Variants in SUPT6H observed in about 807,000 individuals in gnomAD.
SUPT6H encodes the protein SPT6 homolog, histone chaperone and transcription elongation factor, also known as transcription elongation factor SPT6.
A neutral mutation model predicts 222.3 loss-of-function variants in SUPT6H; 11 were observed. That is an observed-to-expected ratio of 0.05 (90% CI 0.03 to 0.08). The LOEUF (loss-of-function observed/expected upper bound fraction) is 0.08, where lower values mean the gene tolerates loss of function less well. Among genes scored for constraint, SUPT6H ranks in the 10% least tolerant of loss-of-function variants. The probability of loss-of-function intolerance (pLI) is 1.00; values close to 1 mark genes in which losing one functional copy is unlikely to be tolerated. For missense variants in SUPT6H, 1,422 were observed against 2,216.0 expected, an observed-to-expected ratio of 0.64 and a Z score of 7.19; for synonymous variants, 762 against 801.2, an observed-to-expected ratio of 0.95 and a Z score of 0.83.
chr17:28,675,337 C>A (rs2030679117), intron 5 of SUPT6H, 64 bp from the exon 6 acceptor site: 3 of 1,587,246 alleles, frequency 1.9e-6, no homozygotes, highest in African/African-American at 2.7e-5. Flanking sequence ...TAGTAGGAAC[C>A]AAAGCAATTT....
At position 28,681,311 on chromosome 17, in the gene SUPT6H, C is replaced by A; in HGVS notation, c.1405C>A (p.Leu469Ile). ...GAAAGATGTCTACAACCATTTTCTT[C>A]TTTATTATGGCCGAGACATCCCTAA... ...ELKDVYNHFL[L>I]YYGRDIPKMQ... is the part of the protein sequence containing the mutation. Residue 469 changes from leucine (L) to isoleucine (I), a missense_variant, in exon 12 of 37, where the codon CTT becomes ATT. Leu to Ile is a conservative substitution (Grantham distance 5). This residue lies in a region of SUPT6H where 389 missense variants were observed against 544.6 expected (regional missense o/e 0.71). Transcript: ENST00000314616. 1 of 1,613,996 alleles carries A rather than the reference C, an allele frequency of 6.2e-7. No individual in the cohort carries two copies. The highest frequency in any genetic ancestry group is 8.5e-7 in the Non-Finnish European group (1 of 1,179,988).
In SUPT6H at chr17:28,695,541, C is replaced by T. The variant is rs1488118823; in HGVS notation, c.3964C>T (p.Arg1322Trp). Residue 1322 changes from arginine (R) to tryptophan (W), a missense_variant, in exon 29 of 37, where the codon CGG becomes TGG. By Grantham distance (101) the Arg-to-Trp change is moderately radical. This residue lies in a region of SUPT6H where 395 missense variants were observed against 580.6 expected (regional missense o/e 0.68). Transcript: ENST00000314616. Reference sequence around the variant, plus strand: ...GGAGGACATGAAGCGGAAGCAGCAGCGGACCAGTGAGTGTGCCTCCCACCA... The same window carrying T: ...GGAGGACATGAAGCGGAAGCAGCAGTGGACCAGTGAGTGTGCCTCCCACCA... ...QEEDMKRKQQ[R>W]TTYIKRVIAH... The T allele has an allele frequency of 5.6e-6, 9 of 1,613,164 alleles. No homozygotes were observed. The highest frequency in any genetic ancestry group is 2.2e-5 in the East Asian group (1 of 44,850).
intron 1 of SUPT6H, chr17:28,672,884 C>G (rs539178086): frequency 1.3e-5 from 2 of 152,694 alleles, no homozygotes; most frequent in African/African-American, 4.8e-5. Flanking sequence ...GGTGCGGTGG[C>G]TCACGCCTGT....
chr17:28,699,908 TC>T lies in SUPT6H; in HGVS notation c.4561+17del, dbSNP rs1276746929. On this transcript the variant is annotated intron_variant, in intron 33 of 36. Transcript: ENST00000314616. ...TCCTGTACCAGGTGAGTTCTGCTCT[TC>T]CTGACTTCAGGGACGTGGCTGGAGG... 1.1e-5 allele frequency: 18 copies of T among 1,609,396 alleles called. No homozygotes were observed. The highest frequency in any genetic ancestry group is 1.5e-5 in the Non-Finnish European group (18 of 1,175,874).
At chr17:28,690,278 G>A in intron 26 of SUPT6H, 49 bp downstream of exon 26, 2 of 1,596,640 alleles carry the variant, frequency 1.3e-6, no homozygotes, top group East Asian at 4.5e-5. Flanking sequence ...TGTGTTTACT[G>A]TGTACATTCA....
At chr17:28,689,181 C>A in intron 24 of SUPT6H, 173 bp from the exon 25 acceptor site, 1 of 606,616 alleles carries the variant, frequency 1.6e-6, no homozygotes, top group Non-Finnish European at 2.9e-6. Context: ...ATATTGTGGC[C>A]ATCTTTCCAT....
chr17:28,696,803 GC>G, intron 29 of SUPT6H, 40 bp from the exon 30 acceptor site: 2 of 1,581,372 alleles, frequency 1.3e-6, no homozygotes, highest in Non-Finnish European at 1.7e-6. Flanking sequence ...CCAGCTCCTA[GC>G]CCCATCACCC....
chr17:28,681,532 G>A, intron 12 of SUPT6H, 128 bp downstream of exon 12: 1 of 1,195,942 alleles, frequency 8.4e-7, no homozygotes. Context: ...GACCAGCCTG[G>A]CCAACATGGC....
intron 19 of SUPT6H, among the ~76,000 whole-genome samples, chr17:28,685,180 G>A (rs921269869): frequency 6.6e-6 from 1 of 152,106 alleles, no homozygotes; most frequent in African/African-American, 2.4e-5. Context: ...CAGTTCCTAG[G>A]CCTTGTGTGC....
In SUPT6H at chr17:28,681,416, A is replaced by T; in HGVS notation, c.1498+12A>T. On this transcript the variant is annotated intron_variant, in intron 12 of 36. Transcript: ENST00000314616. The stretch of plus-strand genomic sequence containing the variant: ...GGGAGATGAAGAAGGTTAGTGCTGG[A>T]AAAGAAAATCCAGGAGATTTGATGG... The T allele has an allele frequency of 6.3e-7, 1 of 1,575,934 alleles. No homozygotes were observed. The highest frequency in any genetic ancestry group is 1.2e-5 in the South Asian group (1 of 84,914).
intron 4 of SUPT6H, 141 bp from the exon 5 acceptor site, chr17:28,674,829 A>G: frequency 1.8e-6 from 2 of 1,119,632 alleles, no homozygotes; most frequent in East Asian, 5.0e-5. Context: ...CTTTGAGGCT[A>G]CAAGAGCATC....
chr17:28,662,977 T>C (rs1038957387), intron 1 of SUPT6H, among the ~76,000 whole-genome samples: 4 of 152,182 alleles, frequency 2.6e-5, no homozygotes, highest in Admixed American at 2.6e-4. Context: ...AGTTTCTACC[T>C]TTCTCCTCAG....
intron 30 of SUPT6H, 132 bp from the exon 31 acceptor site, chr17:28,697,488 G>A (rs905056385): frequency 4.3e-6 from 3 of 689,912 alleles, no homozygotes; most frequent in Non-Finnish European, 7.6e-6. Context: ...ACATGACACA[G>A]ATGGATAAAC....
At position 28,677,900 on chromosome 17, in the gene SUPT6H, C is replaced by T. The variant is rs182585029; in HGVS notation, c.999+84C>T. The T allele has an allele frequency of 8.0e-4, 1,102 of 1,373,642 alleles. 6 individuals carry two copies. In the African/African-American group the frequency reaches 8.6e-3, roughly 11 times the overall value. 85.1% of individuals were successfully genotyped at this position (1,373,642 alleles called of 1,614,324 possible). ...GGAGCTCTTCCTCCCCTATTTCATACATCCGTGTGCCTGGTATTAGAAAAC... is the reference window on the plus strand; with the variant it reads ...GGAGCTCTTCCTCCCCTATTTCATATATCCGTGTGCCTGGTATTAGAAAAC... On this transcript the variant is annotated intron_variant, in intron 8 of 36. Transcript: ENST00000314616.
intron 32 of SUPT6H, among the ~76,000 whole-genome samples, chr17:28,698,344 A>G (rs1207846491): frequency 6.6e-6 from 1 of 152,192 alleles, no homozygotes; most frequent in East Asian, 1.9e-4. Context: ...GGGCCAGTAC[A>G]CTGGTCTCTC....
chr17:28,697,800 T>TA, intron 31 of SUPT6H, 67 bp downstream of exon 31: 1 of 1,607,898 alleles, frequency 6.2e-7, no homozygotes. Context: ...TTCCCTTCAG[T>TA]ATAGGGGACA....
chr17:28,679,008 C>G, intron 11 of SUPT6H, 45 bp downstream of exon 11: 1 of 1,612,246 alleles, frequency 6.2e-7, no homozygotes, highest in Non-Finnish European at 8.5e-7. Flanking sequence ...CCCTCAGACC[C>G]CAAGGCTGGC....
chr17:28,668,969 C>T (rs993344059), intron 1 of SUPT6H, among the ~76,000 whole-genome samples: 2 of 152,090 alleles, frequency 1.3e-5, no homozygotes, highest in African/African-American at 2.4e-5. Context: ...CTTACTATAC[C>T]GCATCTCTTT....
chr17:28,695,071 T>G, intron 28 of SUPT6H: 1 of 355,268 alleles, frequency 2.8e-6, no homozygotes. Flanking sequence ...ACTAGGCAAC[T>G]TCATGGGAGA....
Sources: allele counts gnomAD v4.1 joint callset (sites outside exome capture counted in the v4.1 genomes callset), GRCh38; gene constraint gnomAD v4.1.1; regional missense constraint gnomAD v4.1.1; transcripts MANE v1.5; gene names NCBI Gene and HGNC (gene_info 2026-07-23, HGNC 2026-07-21).